Variants in FBXO40 observed in about 807,000 individuals in gnomAD.
FBXO40 encodes F-box protein 40, also known as F-box only protein 40.
FBXO40 carries 50 observed loss-of-function variants against 49.9 expected under a neutral mutation model. That is an observed-to-expected ratio of 1.00 (90% confidence interval 0.80 to 1.27). The LOEUF is 1.27. FBXO40 is among the 50% of genes most tolerant of loss of function. FBXO40 has a pLI of 0.00. For missense variants in FBXO40, 895 were observed against 870.1 expected (o/e 1.03, Z -0.36); for synonymous variants, 340 against 320.2 (o/e 1.06, Z -0.66).
In FBXO40 at chr3:121,622,786, G is replaced by A. The variant is rs778879981; in HGVS notation, c.1357G>A (p.Gly453Arg). 1.2e-6 allele frequency: 2 copies of A among 1,614,090 alleles called. No individual in the cohort carries two copies. The highest frequency in any genetic ancestry group is 2.2e-5 in the South Asian group (2 of 91,074). ...VLADLTAATP[G>R]GLHVELHSEC... is the part of the protein sequence containing the mutation. ...GGCTGACCTAACCGCTGCCACCCCAGGGGGACTCCACGTGGAGCTCCACAG... is the reference window on the plus strand; with the variant it reads ...GGCTGACCTAACCGCTGCCACCCCAAGGGGACTCCACGTGGAGCTCCACAG... Residue 453 changes from glycine (G) to arginine (R), a missense_variant, in exon 3 of 4, where the codon GGG becomes AGG. Coordinates refer to ENST00000338040, the MANE Select transcript of FBXO40 (RefSeq NM_016298.4).
At chr3:121,615,899 T>C (rs2048995202) in intron 1 of FBXO40, among the ~76,000 whole-genome samples, 2 of 152,148 alleles carry the variant, frequency 1.3e-5, no homozygotes, top group Admixed American at 6.5e-5. Flanking sequence ...GCCTCGCTAT[T>C]CACTTTAAGA....
chr3:121,615,835 G>T (rs2048994688), intron 1 of FBXO40, among the ~76,000 whole-genome samples: 1 of 152,110 alleles, frequency 6.6e-6, no homozygotes, highest in African/African-American at 2.4e-5. Flanking sequence ...TGGTCAGCTT[G>T]GGATGTGGCT....
At position 121,623,240 on chromosome 3, in the gene FBXO40, G is replaced by A. The variant is rs1158926805; in HGVS notation, c.1811G>A (p.Arg604Lys). The change falls in exon 3 of 4, where the codon AGG becomes AAG. Residue 604 changes from arginine (R) to lysine (K), a missense_variant. Coordinates refer to ENST00000338040, the MANE Select transcript of FBXO40 (RefSeq NM_016298.4). The part of the protein sequence containing the change: ...AQLSQVSVLM[R>K]NICATLLQER... ...CTCTCCCAGGTGTCTGTGCTGATGA[G>A]GAATATCTGTGCCACTTTGTTACAA... The A allele has an allele frequency of 1.2e-6, 2 of 1,614,056 alleles. No homozygotes were observed. The highest frequency in any genetic ancestry group is 2.7e-5 in the African/African-American group (2 of 74,928).
At chr3:121,619,589 A>G (rs1172773646) in intron 1 of FBXO40, among the ~76,000 whole-genome samples, 1 of 152,360 alleles carries the variant, frequency 6.6e-6, no homozygotes. Flanking sequence ...ATACTACTTT[A>G]TAATAGCAAA....
intron 3 of FBXO40, among the ~76,000 whole-genome samples, chr3:121,624,620 G>A (rs901076308): frequency 2.6e-5 from 4 of 152,274 alleles, no homozygotes; most frequent in Non-Finnish European, 5.9e-5. Context: ...GAAGAATGAC[G>A]TTGAAGTATC....
chr3:121,607,265 CAA>C (rs199884317), intron 1 of FBXO40, among the ~76,000 whole-genome samples: 16 of 86,602 alleles, frequency 1.8e-4, no homozygotes, highest in Admixed American at 2.9e-4. Context: ...AACTCCATCT[CAA>C]AAAAAAAAAA....
In FBXO40 at chr3:121,623,246, T is replaced by A. The variant is rs777458705; in HGVS notation, c.1817T>A (p.Ile606Asn). ...LSQVSVLMRN[I>N]CATLLQERGM... ...CAGGTGTCTGTGCTGATGAGGAATATCTGTGCCACTTTGTTACAAGAGAGA... is the reference window on the plus strand; with the variant it reads ...CAGGTGTCTGTGCTGATGAGGAATAACTGTGCCACTTTGTTACAAGAGAGA... Residue 606 changes from isoleucine (I) to asparagine (N), a missense_variant, in exon 3 of 4, where the codon ATC becomes AAC. Physicochemically the swap from Ile to Asn is moderately radical, Grantham distance 149. Coordinates refer to ENST00000338040, the MANE Select transcript of FBXO40 (RefSeq NM_016298.4). 1 of 1,614,202 alleles carries A rather than the reference T, an allele frequency of 6.2e-7. No individual in the cohort carries two copies. Among genetic ancestry groups the A allele is most frequent in the South Asian group, 1.1e-5 (1 of 91,074 alleles).
chr3:121,621,786 C>T lies in FBXO40; in HGVS notation c.357C>T (p.Thr119=). 1.2e-6 allele frequency: 2 copies of T among 1,614,128 alleles called. No individual in the cohort carries two copies. Among genetic ancestry groups the T allele is most frequent in the Non-Finnish European group, 1.7e-6 (2 of 1,180,008 alleles). The change falls in exon 3 of 4, where the codon ACC becomes ACT. Residue 119 remains threonine, a synonymous_variant. Coordinates refer to ENST00000338040, the MANE Select transcript of FBXO40 (RefSeq NM_016298.4). ...TTLHENIMKE[T]PSEECLDTAL... Reference sequence around the variant, plus strand: ...TTCATGAAAACATCATGAAAGAGACCCCCAGTGAGGAGTGTTTGGACACAG... The same window carrying T: ...TTCATGAAAACATCATGAAAGAGACTCCCAGTGAGGAGTGTTTGGACACAG...
rs544360299 is a variant in FBXO40 at position 121,627,248 on chromosome 3, C to T, written c.*338C>T. 4.1e-5 allele frequency: 13 copies of T among 318,790 alleles called. No homozygotes were observed. Among genetic ancestry groups the T allele is most frequent in the East Asian group, 7.5e-5 (1 of 13,262 alleles). 19.7% of individuals were successfully genotyped at this position (318,790 alleles called of 1,614,324 possible). On this transcript the variant is annotated 3_prime_UTR_variant, in exon 4 of 4. Transcript: ENST00000338040. ...CAATTTCTTAAGTGATGAGAGAGCA[C>T]GAAATTCCATAACCAGTACAGGCCT...
In FBXO40 at chr3:121,614,249, G is replaced by A. The variant is rs190210803; in HGVS notation, c.-30-6297G>A. Among the ~76,000 whole-genome samples, 32 of 129,998 alleles carry A rather than the reference G, an allele frequency of 2.5e-4. No homozygotes were observed. The East Asian group carries it at 4.7e-3, about 19-fold the overall frequency. The allele number at this position is 129,998 out of a possible 152,430, so 85.3% of individuals were successfully genotyped here. A position where few individuals can be genotyped will look rare whatever the true frequency, so the allele number is the denominator to read the frequency against. On this transcript the variant is annotated intron_variant, in intron 1 of 3. Coordinates refer to ENST00000338040, the MANE Select transcript of FBXO40 (RefSeq NM_016298.4). ...GCCACTACATTCCTTCTAGCCTGGT[G>A]ACAGAGCGAGACTCTAGCTCAAAAA...
intron 1 of FBXO40, among the ~76,000 whole-genome samples, chr3:121,604,815 T>A (rs2048922539): frequency 6.6e-6 from 1 of 152,108 alleles, no homozygotes; most frequent in Non-Finnish European, 1.5e-5. Context: ...GGCAATGACC[T>A]CAACATGCCA....
intron 3 of FBXO40, among the ~76,000 whole-genome samples, chr3:121,624,621 T>C (rs1484195162): frequency 9.9e-5 from 15 of 152,132 alleles, no homozygotes; most frequent in Admixed American, 8.5e-4. Context: ...AAGAATGACG[T>C]TGAAGTATCT....
chr3:121,615,277 G>A (rs2048991168), intron 1 of FBXO40, among the ~76,000 whole-genome samples: 1 of 151,478 alleles, frequency 6.6e-6, no homozygotes, highest in African/African-American at 2.4e-5. Context: ...GCAGCAGAAG[G>A]AGGAACGCTC....
At chr3:121,615,369 C>A (rs2048991679) in intron 1 of FBXO40, among the ~76,000 whole-genome samples, 1 of 151,796 alleles carries the variant, frequency 6.6e-6, no homozygotes, top group African/African-American at 2.4e-5. Context: ...CAAGCCTGGA[C>A]AACATGGCAA....
chr3:121,603,701 TTTTTA>T (rs1407696016), intron 1 of FBXO40, among the ~76,000 whole-genome samples: 1 of 152,054 alleles, frequency 6.6e-6, no homozygotes, highest in African/African-American at 2.4e-5. Context: ...TCATAGTTCT[TTTTTA>T]TTTTATTTTA....
rs543065193 is a variant in FBXO40 at position 121,596,388 on chromosome 3, C to A, written c.-31+2886C>A. 1.7e-4 allele frequency among the ~76,000 whole-genome samples: 26 copies of A among 152,334 alleles called. No individual in the cohort carries two copies. The East Asian group carries it at 4.2e-3, about 25-fold the overall frequency. On this transcript the variant is annotated intron_variant, in intron 1 of 3. Transcript: ENST00000338040. Reference sequence around the variant, plus strand: ...TTCACTTCTCAGAGCCTCAGTTTCTCCTCTAGGAAACAAGGAGGTTAAAAC... The same window carrying A: ...TTCACTTCTCAGAGCCTCAGTTTCTACTCTAGGAAACAAGGAGGTTAAAAC...
At chr3:121,603,636 C>A (rs767403865) in intron 1 of FBXO40, among the ~76,000 whole-genome samples, 1 of 152,206 alleles carries the variant, frequency 6.6e-6, no homozygotes, top group Non-Finnish European at 1.5e-5. Flanking sequence ...AAGTATTAAC[C>A]TTATAGGTGC....
intron 1 of FBXO40, among the ~76,000 whole-genome samples, chr3:121,619,851 C>T (rs774032086): frequency 2.0e-5 from 3 of 152,320 alleles, no homozygotes; most frequent in Admixed American, 6.5e-5. Flanking sequence ...CACAAAAGTC[C>T]GCATCCCCAC....
At position 121,602,057 on chromosome 3, in the gene FBXO40, G is replaced by A. The variant is rs1018426384; in HGVS notation, c.-31+8555G>A. Among the ~76,000 whole-genome samples the A allele has an allele frequency of 1.1e-4, 17 of 152,306 alleles. 1 individual carries two copies. Among genetic ancestry groups the A allele is most frequent in the Admixed American group, 8.5e-4 (13 of 15,308 alleles). On this transcript the variant is annotated intron_variant, in intron 1 of 3. Transcript: ENST00000338040. ...GGGACCTGCCATAAGCAGTGACATTGTCATCATTGTTCTTAACTTTGCAGT... is the reference window on the plus strand; with the variant it reads ...GGGACCTGCCATAAGCAGTGACATTATCATCATTGTTCTTAACTTTGCAGT...
Sources: gnomAD v4.1 joint callset for allele counts (sites outside exome capture counted in the v4.1 genomes callset) on GRCh38, gnomAD v4.1.1 for gene constraint, MANE v1.5 for transcripts, NCBI Gene and HGNC (gene_info 2026-07-23, HGNC 2026-07-21) for gene names.